COL23A1: variants seen among roughly 807,000 people sequenced by gnomAD.
COL23A1 encodes collagen alpha-1(XXIII) chain.
Under a neutral mutation model 99.3 loss-of-function variants are expected in COL23A1, and 97 were observed. The ratio of observed to expected loss-of-function variants is 0.98; its 90% CI spans 0.83 to 1.16. COL23A1 has a LOEUF of 1.16. COL23A1 is among the 50% of genes most tolerant of loss of function. COL23A1 has a pLI of 0.00. For missense variants in COL23A1, 762 were observed against 757.4 expected (o/e 1.01, Z -0.07); for synonymous variants, 320 against 308.2 (o/e 1.04, Z -0.40).
chr5:178,320,148 T>C (rs565497306), intron 2 of COL23A1, among the ~76,000 whole-genome samples: 3 of 152,382 alleles, frequency 2.0e-5, no homozygotes, highest in South Asian at 4.1e-4. Flanking sequence ...CACTTATTTC[T>C]ATGAAAATTG....
chr5:178,510,321 C>T (rs1010816625), intron 2 of COL23A1, among the ~76,000 whole-genome samples: 1 of 152,162 alleles, frequency 6.6e-6, no homozygotes, highest in Non-Finnish European at 1.5e-5. Context: ...GCGGGCGGAT[C>T]ACTTGAGGTC....
chr5:178,403,129 A>G lies in COL23A1; in HGVS notation c.362-96210T>C, dbSNP rs1279201241. On this transcript the variant is annotated intron_variant, in intron 2 of 28. Transcript: ENST00000390654. The stretch of plus-strand genomic sequence containing the variant: ...ATCTCAAAAAAAAAAAAAATAAATA[A>G]ATAAAAAATAAATACCATTTACCGA... Among the ~76,000 whole-genome samples the G allele has an allele frequency of 2.7e-3, 318 of 119,040 alleles. 25 individuals are homozygous for G. The highest frequency in any genetic ancestry group is 9.5e-3 in the African/African-American group (305 of 32,162). 78.1% of individuals were successfully genotyped at this position (119,040 alleles called of 152,430 possible). A position where few individuals can be genotyped will look rare whatever the true frequency, so the allele number is the denominator to read the frequency against.
intron 2 of COL23A1, among the ~76,000 whole-genome samples, chr5:178,314,368 A>AGTCTTC (rs1013282160): frequency 6.6e-6 from 1 of 152,134 alleles, no homozygotes; most frequent in African/African-American, 2.4e-5. Context: ...GCACCGCCAT[A>AGTCTTC]GTCTTCGTCT....
chr5:178,246,416 C>G lies in COL23A1; in HGVS notation c.1334G>C (p.Gly445Ala). ...DGAKGEKGAS[G>A]ERGPSGLPGP... is the part of the protein sequence containing the mutation. The stretch of plus-strand genomic sequence containing the variant: ...AGGCAGGCCGCTGGGGCCTCTCTCA[C>G]CCGACGCACCCTTCTCTCCCTTTGC... Residue 445 changes from glycine (G) to alanine (A), a missense_variant, in exon 23 of 29, where the codon GGT becomes GCT. Gly to Ala is a moderately conservative substitution (Grantham distance 60). Coordinates refer to ENST00000390654, the MANE Select transcript of COL23A1 (RefSeq NM_173465.4). 6.3e-7 allele frequency: 1 copy of G among 1,579,410 alleles called. No individual in the cohort carries two copies. The highest frequency in any genetic ancestry group is 1.3e-5 in the African/African-American group (1 of 74,536).
At chr5:178,322,586 AGCTGGCTCCTGCCTGGG>A (rs745856851) in intron 2 of COL23A1, among the ~76,000 whole-genome samples, 70,549 of 151,658 alleles carry the variant, frequency 0.47, 17,505 homozygotes, top group African/African-American at 0.64. Context: ...CTGCCAAACG[AGCTGGCTCCTGCCTGGG>A]GGTCCCTGAC....
At chr5:178,539,815 A>G (rs935259167) in intron 2 of COL23A1, among the ~76,000 whole-genome samples, 3 of 152,222 alleles carry the variant, frequency 2.0e-5, no homozygotes, top group African/African-American at 7.2e-5. Flanking sequence ...TGGACCACAG[A>G]AGAACACATA....
chr5:178,278,610 A>G (rs943042290), intron 5 of COL23A1, among the ~76,000 whole-genome samples: 11 of 152,036 alleles, frequency 7.2e-5, no homozygotes, highest in Admixed American at 3.3e-4. Flanking sequence ...TGAGCCTGCA[A>G]TTCTAGCTCA....
At chr5:178,339,485 C>A (rs1040386829) in intron 2 of COL23A1, among the ~76,000 whole-genome samples, 1 of 152,200 alleles carries the variant, frequency 6.6e-6, no homozygotes, top group Non-Finnish European at 1.5e-5. Flanking sequence ...AGCCTCAGAT[C>A]CTGCACTGAC....
chr5:178,256,807 G>A lies in COL23A1; in HGVS notation c.837+59C>T, dbSNP rs186376068. 2.3e-4 allele frequency: 347 copies of A among 1,524,758 alleles called. 1 individual carries two copies. In the African/African-American group the frequency reaches 4.2e-3, roughly 18 times the overall value. The allele number at this position is 1,524,758 out of a possible 1,614,324, so 94.5% of individuals were successfully genotyped here. ...AGCTGAAACCACATCTCCCACTCCCGACTGGGTGGAGGTCTGAGCGGGGCC... is the reference window on the plus strand; with the variant it reads ...AGCTGAAACCACATCTCCCACTCCCAACTGGGTGGAGGTCTGAGCGGGGCC... On this transcript the variant is annotated intron_variant, in intron 14 of 28. Coordinates refer to ENST00000390654, the MANE Select transcript of COL23A1 (RefSeq NM_173465.4).
chr5:178,473,283 G>T (rs1468724667), intron 2 of COL23A1, among the ~76,000 whole-genome samples: 1 of 151,940 alleles, frequency 6.6e-6, no homozygotes, highest in Non-Finnish European at 1.5e-5. Flanking sequence ...TAGGTTAAAT[G>T]CAAGTACACG....
In COL23A1 at chr5:178,434,973, G is replaced by A. The variant is rs1766474233; in HGVS notation, c.361+125709C>T. 6.6e-6 allele frequency among the ~76,000 whole-genome samples: 1 copy of A among 152,192 alleles called. No homozygotes were observed. The highest frequency in any genetic ancestry group is 2.4e-5 in the African/African-American group (1 of 41,446). Reference sequence around the variant, plus strand: ...TGTTTCCCAGGGGCCTCTGCTGCAAGGGAGGGGGTCGGCACCCGTCCAGCA... The same window carrying A: ...TGTTTCCCAGGGGCCTCTGCTGCAAAGGAGGGGGTCGGCACCCGTCCAGCA... On this transcript the variant is annotated intron_variant, in intron 2 of 28. Transcript: ENST00000390654. This position sits in a 1 kb window ranked among gnomAD's most constrained non-coding sequence, Gnocchi z 4.3.
At chr5:178,239,020 G>A in intron 28 of COL23A1, 121 bp downstream of exon 28, 10 of 1,150,992 alleles carry the variant, frequency 8.7e-6, no homozygotes, top group Non-Finnish European at 1.3e-5. Flanking sequence ...TTCAGTCACT[G>A]TGCGAGAAGC....
intron 13 of COL23A1, 75 bp from the exon 14 acceptor site, chr5:178,257,003 C>G: frequency 7.0e-7 from 1 of 1,427,366 alleles, no homozygotes; most frequent in South Asian, 1.2e-5. Context: ...GGGCGTGCCT[C>G]GGGGTTGCCT....
At chr5:178,348,143 T>C (rs1761094144) in intron 2 of COL23A1, among the ~76,000 whole-genome samples, 1 of 151,928 alleles carries the variant, frequency 6.6e-6, no homozygotes, top group Admixed American at 6.6e-5. Context: ...CAGCTCCAGC[T>C]GCCCTGACGC....
chr5:178,239,403 G>A (rs1251040953), intron 27 of COL23A1, among the ~76,000 whole-genome samples: 4 of 152,236 alleles, frequency 2.6e-5, no homozygotes, highest in Admixed American at 2.6e-4. Flanking sequence ...TCCTGAGTGT[G>A]TTCCCTCTGT....
intron 4 of COL23A1, among the ~76,000 whole-genome samples, chr5:178,289,249 C>A (rs568539409): frequency 3.3e-5 from 5 of 152,246 alleles, no homozygotes; most frequent in Admixed American, 2.0e-4. Context: ...CTTGAGAAGG[C>A]TGATTTTGGC....
chr5:178,266,194 C>T (rs1263589018), intron 8 of COL23A1, among the ~76,000 whole-genome samples: 1 of 152,054 alleles, frequency 6.6e-6, no homozygotes, highest in Non-Finnish European at 1.5e-5. Context: ...GCGCACACCT[C>T]CACACCCGGC....
rs184721038 is a variant in COL23A1, at chr5:178,269,095, G to A, written c.469-339C>T. 7.7e-3 allele frequency among the ~76,000 whole-genome samples: 1,178 copies of A among 152,218 alleles called. 10 individuals carry two copies. The highest frequency in any genetic ancestry group is 0.02 in the Middle Eastern group (6 of 294). On this transcript the variant is annotated intron_variant, in intron 6 of 28. Transcript: ENST00000390654. The stretch of plus-strand genomic sequence containing the variant: ...ACTGCTCAGCACCCGCCCTGTCATT[G>A]TCAGTGGGAGACCACTGCCCCCAAG...
chr5:178,272,781 C>G (rs1052427196), intron 5 of COL23A1, among the ~76,000 whole-genome samples: 2 of 152,030 alleles, frequency 1.3e-5, no homozygotes, highest in Non-Finnish European at 2.9e-5. Flanking sequence ...TGGGTGTCCT[C>G]AAGGTCGCGT....
Sources: allele counts gnomAD v4.1 joint callset (sites outside exome capture counted in the v4.1 genomes callset), GRCh38; gene constraint gnomAD v4.1.1; non-coding constraint Gnocchi (gnomAD v3.1); transcripts MANE v1.5; gene names NCBI Gene and HGNC (gene_info 2026-07-23, HGNC 2026-07-21).